CSMD1: variants seen among roughly 807,000 people sequenced by gnomAD.
The protein encoded by CSMD1 is CUB and Sushi multiple domains 1.
In CSMD1, 213 loss-of-function variants were observed where a neutral mutation model predicts 417.5. The observed-to-expected ratio is 0.51, with a 90% CI of 0.46 to 0.57. CSMD1 has a LOEUF of 0.57. CSMD1 is among the 20% of genes least tolerant of loss of function. The pLI, the probability that CSMD1 is intolerant of heterozygous loss-of-function variation, is 0.00. For missense variants in CSMD1, 6,923 were observed against 4,529.7 expected, an observed-to-expected ratio of 1.53 and a Z score of -15.17; for synonymous variants, 2,862 against 1,736.8, an observed-to-expected ratio of 1.65 and a Z score of -16.11.
intron 10 of CSMD1, among the ~76,000 whole-genome samples, chr8:3,502,071 G>C (rs922245377): frequency 2.0e-5 from 3 of 152,088 alleles, no homozygotes; most frequent in Non-Finnish European, 4.4e-5. Context: ...ATATATCTTG[G>C]AATTTAACAC....
intron 18 of CSMD1, among the ~76,000 whole-genome samples, chr8:3,371,290 C>T (rs7842289): frequency 0.31 from 46,939 of 152,020 alleles, 8,130 homozygotes; most frequent in African/African-American, 0.48. Flanking sequence ...GTTAGTAACA[C>T]GTGCAAAGTT....
intron 1 of CSMD1, among the ~76,000 whole-genome samples, chr8:4,763,786 T>TTA (rs1399242653): frequency 3.9e-5 from 6 of 152,190 alleles, no homozygotes; most frequent in African/African-American, 7.2e-5. Context: ...ATATGTTAAC[T>TTA]TATCTAAAAG....
At position 4,077,365 on chromosome 8, in the gene CSMD1, G is replaced by A. The variant is rs369432249; in HGVS notation, c.416-45266C>T. Among the ~76,000 whole-genome samples, 4 of 142,778 alleles carry A rather than the reference G, an allele frequency of 2.8e-5. No individual in the cohort carries two copies. In the South Asian group the frequency reaches 6.6e-4, roughly 23 times the overall value. The allele number at this position is 142,778 out of a possible 152,430, so 93.7% of individuals were successfully genotyped here. On this transcript the variant is annotated intron_variant, in intron 3 of 69. Coordinates refer to ENST00000635120, the MANE Select transcript of CSMD1 (RefSeq NM_033225.6). ...TATATAATTTATATTTTTTATCAGAGGTATCTTTTAATGGTTCCTCAGTCT... is the reference window on the plus strand; with the variant it reads ...TATATAATTTATATTTTTTATCAGAAGTATCTTTTAATGGTTCCTCAGTCT...
At chr8:4,018,972 C>A (rs1003830912) in intron 4 of CSMD1, among the ~76,000 whole-genome samples, 1 of 152,200 alleles carries the variant, frequency 6.6e-6, no homozygotes, top group African/African-American at 2.4e-5. Flanking sequence ...TTTGTGATTG[C>A]TTTGTGTTTA....
chr8:3,718,629 T>C (rs1303948362), intron 6 of CSMD1, among the ~76,000 whole-genome samples: 1 of 152,204 alleles, frequency 6.6e-6, no homozygotes, highest in Non-Finnish European at 1.5e-5. Context: ...CATGAATCAT[T>C]GTGTCAAGGT....
At chr8:4,763,995 C>G (rs1221701259) in intron 1 of CSMD1, among the ~76,000 whole-genome samples, 1 of 152,168 alleles carries the variant, frequency 6.6e-6, no homozygotes, top group Admixed American at 6.5e-5. Flanking sequence ...AAACCAACGT[C>G]TAGTTTTTCA....
chr8:3,353,470 G>A (rs1446639741), intron 21 of CSMD1, among the ~76,000 whole-genome samples: 1 of 152,036 alleles, frequency 6.6e-6, no homozygotes, highest in Non-Finnish European at 1.5e-5. Flanking sequence ...TGGCCTCCTA[G>A]TACACAAAAA....
chr8:3,663,545 C>G (rs2623622), intron 7 of CSMD1, among the ~76,000 whole-genome samples: 46,170 of 151,984 alleles, frequency 0.3, 7,179 homozygotes, highest in Non-Finnish European at 0.33. Flanking sequence ...AAACTGCTTA[C>G]GGCCAACCTG....
chr8:4,067,887 G>A (rs1441946392), intron 3 of CSMD1, among the ~76,000 whole-genome samples: 2 of 152,034 alleles, frequency 1.3e-5, no homozygotes, highest in African/African-American at 4.8e-5. Context: ...GACCATCCTG[G>A]CCAACATGAT....
intron 3 of CSMD1, among the ~76,000 whole-genome samples, chr8:4,096,798 G>A (rs763385346): frequency 7.2e-5 from 11 of 152,172 alleles, no homozygotes; most frequent in East Asian, 1.9e-4. Flanking sequence ...GCACTCCGAC[G>A]CTGTCTTCTG....
chr8:4,307,039 T>C (rs1353024634), intron 3 of CSMD1, among the ~76,000 whole-genome samples: 1 of 152,114 alleles, frequency 6.6e-6, no homozygotes, highest in African/African-American at 2.4e-5. Flanking sequence ...ATGTCCACTG[T>C]GGGGTTTATG....
intron 5 of CSMD1, among the ~76,000 whole-genome samples, chr8:3,946,940 T>C (rs1811268674): frequency 1.3e-5 from 2 of 152,188 alleles, no homozygotes; most frequent in South Asian, 4.1e-4. Context: ...CTAGTAACTT[T>C]TGTATAGATT....
intron 5 of CSMD1, among the ~76,000 whole-genome samples, chr8:3,776,310 C>T (rs1029652566): frequency 6.6e-6 from 1 of 152,108 alleles, no homozygotes; most frequent in African/African-American, 2.4e-5. Context: ...CACATACAAC[C>T]CAAATTAGAT....
At chr8:3,551,082 A>T (rs2116779592) in intron 10 of CSMD1, among the ~76,000 whole-genome samples, 1 of 152,314 alleles carries the variant, frequency 6.6e-6, no homozygotes, top group Middle Eastern at 3.4e-3. Flanking sequence ...CTCATGGCAG[A>T]ACAAGGTAGC....
chr8:3,886,109 G>A (rs893631088), intron 5 of CSMD1, among the ~76,000 whole-genome samples: 1 of 151,990 alleles, frequency 6.6e-6, no homozygotes, highest in African/African-American at 2.4e-5. Context: ...GGAGCACAGT[G>A]CTGCGATCTC....
intron 1 of CSMD1, among the ~76,000 whole-genome samples, chr8:4,974,028 C>T (rs996637417): frequency 6.6e-6 from 1 of 151,980 alleles, no homozygotes; most frequent in Middle Eastern, 3.2e-3. Flanking sequence ...ATTTTATTTA[C>T]TTATTTATTT....
At chr8:3,372,391 C>G (rs6990513) in intron 18 of CSMD1, among the ~76,000 whole-genome samples, 72,439 of 151,856 alleles carry the variant, frequency 0.48, 18,404 homozygotes, top group African/African-American at 0.67. Flanking sequence ...GCCTAGAAAA[C>G]GACACGATCT....
chr8:3,233,744 T>A (rs1798987785), intron 26 of CSMD1, among the ~76,000 whole-genome samples: 1 of 152,250 alleles, frequency 6.6e-6, no homozygotes, highest in Non-Finnish European at 1.5e-5. Flanking sequence ...ACATTTGTAC[T>A]TCTGTTCTGG....
intron 1 of CSMD1, among the ~76,000 whole-genome samples, chr8:4,829,499 T>G (rs573757760): frequency 3.1e-4 from 47 of 152,246 alleles, no homozygotes; most frequent in African/African-American, 1.1e-3. Flanking sequence ...CTCAGCACTT[T>G]ACCAGGCTGA....
Sources: allele counts gnomAD v4.1 joint callset (sites outside exome capture counted in the v4.1 genomes callset), GRCh38; gene constraint gnomAD v4.1.1; transcripts MANE v1.5; gene names NCBI Gene and HGNC (gene_info 2026-07-23, HGNC 2026-07-21).